DACH2: variants seen among roughly 807,000 people sequenced by gnomAD.
DACH2 encodes dachshund family transcription factor 2.
In DACH2, 17 loss-of-function variants were observed where a neutral mutation model predicts 35.8. The ratio of observed to expected loss-of-function variants is 0.48; its 90% CI spans 0.33 to 0.71. The LOEUF (loss-of-function observed/expected upper bound fraction) is 0.71, where lower values mean the gene tolerates loss of function less well. DACH2 is among the 30% of genes least tolerant of loss of function. The pLI, the probability that DACH2 is intolerant of heterozygous loss-of-function variation, is 0.02. For synonymous variants in DACH2, 195 were observed against 177.3 expected, an observed-to-expected ratio of 1.10 and a Z score of -0.79; for missense variants, 469 against 472.7, an observed-to-expected ratio of 0.99 and a Z score of 0.07.
chrX:86,699,981 G>C, intron 5 of DACH2, among the ~76,000 whole-genome samples: 1 of 111,734 alleles, frequency 8.9e-6, no homozygotes, highest in African/African-American at 3.2e-5. Context: ...TTGGGAGCAG[G>C]TTGTTTAATT....
intron 2 of DACH2, among the ~76,000 whole-genome samples, chrX:86,493,789 G>A (rs965928126): frequency 1.8e-5 from 2 of 112,035 alleles, no homozygotes; most frequent in Non-Finnish European, 3.8e-5. Context: ...AACTACTTAT[G>A]TGTTTGTTAC....
At chrX:86,763,611 G>A (rs1321050206) in intron 7 of DACH2, among the ~76,000 whole-genome samples, 1 of 110,791 alleles carries the variant, frequency 9.0e-6, no homozygotes, top group Admixed American at 9.6e-5. Flanking sequence ...CCGCCACCAC[G>A]CCCGGCTGTT....
rs184690576 is a variant in DACH2 at position 86,325,832 on chromosome X, A to G, written c.489-50992A>G. 1.4e-3 allele frequency among the ~76,000 whole-genome samples: 156 copies of G among 112,126 alleles called. 1 individual carries two copies. Among genetic ancestry groups the G allele is most frequent in the African/African-American group, 4.6e-3 (143 of 30,890 alleles). ...TAGACTATTACAGTATAGCAGAAAA[A>G]GTGGGAGCTTTGGAGTAGATAGATA... is the stretch of plus-strand genomic sequence containing the variant. On this transcript the variant is annotated intron_variant, in intron 1 of 11. Coordinates refer to ENST00000373125, the MANE Select transcript of DACH2 (RefSeq NM_053281.3).
At chrX:86,602,480 C>T (rs2039801839) in intron 3 of DACH2, among the ~76,000 whole-genome samples, 1 of 111,822 alleles carries the variant, frequency 8.9e-6, no homozygotes, top group Admixed American at 9.5e-5. Context: ...AATGAGTTTC[C>T]AATGAATGAT....
At chrX:86,244,196 T>C (rs909015787) in intron 1 of DACH2, among the ~76,000 whole-genome samples, 4 of 111,628 alleles carry the variant, frequency 3.6e-5, no homozygotes, top group African/African-American at 1.3e-4. Context: ...ATCAAAAAGA[T>C]TGAGTACATC....
At chrX:86,678,158 A>C (rs1465851651) in intron 4 of DACH2, among the ~76,000 whole-genome samples, 1 of 112,347 alleles carries the variant, frequency 8.9e-6, no homozygotes, top group Non-Finnish European at 1.9e-5. Flanking sequence ...GCAGGTGTTC[A>C]CACCAACTTA....
At chrX:86,401,332 G>A (rs969516242) in intron 2 of DACH2, among the ~76,000 whole-genome samples, 1 of 112,218 alleles carries the variant, frequency 8.9e-6, no homozygotes. Context: ...CTTCCCGGGT[G>A]AGGTGATGCC....
In DACH2 at chrX:86,507,463, C is replaced by CAAAAAAAAA. The variant is rs34617943; in HGVS notation, c.528-6801_528-6793dup. On this transcript the variant is annotated intron_variant, in intron 2 of 11. Coordinates refer to ENST00000373125, the MANE Select transcript of DACH2 (RefSeq NM_053281.3). Reference sequence around the variant, plus strand: ...CACAAAGGAAAAGTCAGTGACCTTTCAAAAAAAAAAAAAAAAAAAAAAACC... The same window carrying CAAAAAAAAA: ...CACAAAGGAAAAGTCAGTGACCTTTCAAAAAAAAAAAAAAAAAAAAAAAAAAAAAAAACC... Among the ~76,000 whole-genome samples the CAAAAAAAAA allele has an allele frequency of 1.0e-4, 5 of 47,644 alleles. No homozygotes were observed. The East Asian group carries it at 4.1e-3, about 39-fold the overall frequency. The allele number at this position is 47,644 out of a possible 115,157, so 41.4% of individuals were successfully genotyped here.
At chrX:86,776,029 C>A (rs1229439584) in intron 7 of DACH2, among the ~76,000 whole-genome samples, 1 of 111,310 alleles carries the variant, frequency 9.0e-6, no homozygotes, top group East Asian at 2.8e-4. Context: ...GACTTCAGAG[C>A]CTGCCTGCTT....
intron 1 of DACH2, among the ~76,000 whole-genome samples, chrX:86,194,404 C>T (rs969602508): frequency 3.6e-5 from 4 of 111,502 alleles, no homozygotes; most frequent in African/African-American, 1.3e-4. Flanking sequence ...CAGCTGCCAC[C>T]AAGGGAATGA....
intron 1 of DACH2, among the ~76,000 whole-genome samples, chrX:86,255,886 T>A (rs1237606867): frequency 1.8e-5 from 2 of 111,282 alleles, no homozygotes; most frequent in South Asian, 3.7e-4. Context: ...ACACAAAAAA[T>A]TTCCAACAAA....
chrX:86,414,313 AGCCAGT>A (rs2036664851), intron 2 of DACH2, among the ~76,000 whole-genome samples: 1 of 100,412 alleles, frequency 1.0e-5, no homozygotes, highest in South Asian at 4.4e-4. Flanking sequence ...GTGATTAATT[AGCCAGT>A]GCCAGAGCTC....
At chrX:86,414,129 T>C (rs2148148075) in intron 2 of DACH2, among the ~76,000 whole-genome samples, 1 of 111,740 alleles carries the variant, frequency 8.9e-6, no homozygotes, top group South Asian at 3.8e-4. Flanking sequence ...TCAAGGGGTT[T>C]TGGGTCTGTA....
intron 1 of DACH2, chrX:86,161,123 G>GT (rs2030739920): frequency 1.8e-6 from 2 of 1,126,599 alleles, no homozygotes; most frequent in African/African-American, 1.8e-5. Context: ...TTTTCTTAAT[G>GT]TAAGTGCTGA....
intron 2 of DACH2, among the ~76,000 whole-genome samples, chrX:86,408,411 A>G (rs756243454): frequency 9.0e-6 from 1 of 111,607 alleles, no homozygotes; most frequent in African/African-American, 3.3e-5. Flanking sequence ...CTCAAGGGTT[A>G]TGGGATCATG....
intron 2 of DACH2, among the ~76,000 whole-genome samples, chrX:86,422,713 G>T (rs757820687): frequency 9.0e-6 from 1 of 111,003 alleles, no homozygotes; most frequent in South Asian, 3.7e-4. Flanking sequence ...TGTACAATAA[G>T]TTATGATTGA....
chrX:86,649,759 C>T (rs187337719), intron 3 of DACH2, among the ~76,000 whole-genome samples: 102 of 111,233 alleles, frequency 9.2e-4, no homozygotes, highest in African/African-American at 3.2e-3. Flanking sequence ...CACAGTTAGA[C>T]GGTTTAGGCT....
At chrX:86,547,851 T>C (rs771402176) in intron 3 of DACH2, among the ~76,000 whole-genome samples, 1 of 112,093 alleles carries the variant, frequency 8.9e-6, no homozygotes, top group Non-Finnish European at 1.9e-5. Context: ...TGCTCAGTAG[T>C]TCTGCACATG....
chrX:86,754,150 A>G (rs1170947823), intron 7 of DACH2, among the ~76,000 whole-genome samples: 4 of 111,906 alleles, frequency 3.6e-5, no homozygotes, highest in Non-Finnish European at 7.5e-5. Flanking sequence ...TTTTTAAAGT[A>G]CCAAATATAA....
Sources: gnomAD v4.1 joint callset for allele counts (sites outside exome capture counted in the v4.1 genomes callset) on GRCh38, gnomAD v4.1.1 for gene constraint, MANE v1.5 for transcripts, NCBI Gene and HGNC (gene_info 2026-07-23, HGNC 2026-07-21) for gene names.